NISCH: variants seen among roughly 807,000 people sequenced by gnomAD.
NISCH encodes nischarin.
NISCH carries 55 observed loss-of-function variants against 138.4 expected under a neutral mutation model. That is an observed-to-expected ratio of 0.40 (90% CI 0.32 to 0.50). The LOEUF (loss-of-function observed/expected upper bound fraction) is 0.50, where lower values mean the gene tolerates loss of function less well. Among genes scored for constraint, NISCH ranks in the 20% least tolerant of loss-of-function variants. NISCH has a pLI of 0.71. For missense variants in NISCH, 1,643 were observed against 2,005.5 expected, an observed-to-expected ratio of 0.82 and a Z score of 3.45; for synonymous variants, 860 against 861.5, an observed-to-expected ratio of 1.00 and a Z score of 0.03.
Position 52,477,633 on chromosome 3 carries a change from C to T in NISCH, c.978C>T (p.Asp326=), listed in dbSNP as rs1449587132. 6.2e-7 allele frequency: 1 copy of T among 1,613,650 alleles called. No homozygotes were observed. Among genetic ancestry groups the T allele is most frequent in the East Asian group, 2.2e-5 (1 of 44,888 alleles). ...GTCACAATGGATTGCTGGTTGTGGA[C>T]AATCTGCAGGTAGTGCCTTTGGAGA... ...DLSHNGLLVV[D]NLQHLYNLVH... The change falls in exon 9 of 21, where the codon GAC becomes GAT. Residue 326 remains aspartate, a synonymous_variant. Coordinates refer to ENST00000345716, the MANE Select transcript of NISCH (RefSeq NM_007184.4).
intron 9 of NISCH, 137 bp from the exon 10 acceptor site, chr3:52,477,960 C>A: frequency 1.1e-6 from 1 of 918,424 alleles, no homozygotes; most frequent in Non-Finnish European, 1.7e-6. Flanking sequence ...AGGGACTTCC[C>A]TTCCTAAAAT....
chr3:52,470,552 C>T (rs1049332260), intron 3 of NISCH: 2 of 402,962 alleles, frequency 5.0e-6, no homozygotes, highest in African/African-American at 4.1e-5. Context: ...TCCCAAAAGC[C>T]CTTAGAGTAA....
chr3:52,489,871 ACCT>A, intron 17 of NISCH, 193 bp downstream of exon 17: 3 of 1,194,070 alleles, frequency 2.5e-6, no homozygotes, highest in Admixed American at 2.7e-5. Context: ...CTGTGTCACC[ACCT>A]CCTGTGCCAC....
intron 4 of NISCH, chr3:52,471,552 A>G (rs1054148220): frequency 2.9e-4 from 164 of 559,596 alleles, no homozygotes; most frequent in African/African-American, 2.8e-3. Context: ...TTTGGTCTCG[A>G]CTCGGCCTCA....
At chr3:52,472,248 C>G in intron 5 of NISCH, 55 bp from the exon 6 acceptor site, 7 of 1,503,542 alleles carry the variant, frequency 4.7e-6, no homozygotes, top group Non-Finnish European at 6.5e-6. Flanking sequence ...TGCTGCAGCA[C>G]TCCCCGATGG....
rs372251478 is a variant in NISCH at position 52,487,608 on chromosome 3, C to T, written c.2116C>T (p.Arg706Cys). 45 of 1,613,916 alleles carry T rather than the reference C, an allele frequency of 2.8e-5. No individual in the cohort carries two copies. Among genetic ancestry groups the T allele is most frequent in the Middle Eastern group, 1.6e-4 (1 of 6,062 alleles). ...CGAGGACTTCCTGCTGGAGCACATC[C>T]GCATCCTCAAGGTGCTGTGGTGCTT... ...ADEDFLLEHI[R>C]ILKVLWCFLI... The change falls in exon 16 of 21, where the codon CGC becomes TGC. Residue 706 changes from arginine (R) to cysteine (C), a missense_variant. Transcript: ENST00000345716. This position sits in a 1 kb window ranked among gnomAD's most constrained non-coding sequence, Gnocchi z 9.1.
At chr3:52,457,816 A>G (rs745979578) in intron 1 of NISCH, 27 bp from the exon 2 acceptor site, 54 of 1,572,794 alleles carry the variant, frequency 3.4e-5, no homozygotes, top group Middle Eastern at 1.9e-4. Flanking sequence ...CTCCCTTGCC[A>G]CAAGGGCTGT....
In NISCH at chr3:52,491,434, G is replaced by C; in HGVS notation, c.3825G>C (p.Val1275=). 1 of 1,613,472 alleles carries C rather than the reference G, an allele frequency of 6.2e-7. No homozygotes were observed. Among genetic ancestry groups the C allele is most frequent in the South Asian group, 1.1e-5 (1 of 91,084 alleles). ...GCTTCCTCCAGCACCTCATGGTCGT[G>C]CTGTCCTCTCTGGAACGCACGCCCT... is the stretch of plus-strand genomic sequence containing the variant. ...THCFLQHLMV[V]LSSLERTPSP... Residue 1275 remains valine (V), a synonymous_variant, in exon 20 of 21, where the codon GTG becomes GTC. Coordinates refer to ENST00000345716, the MANE Select transcript of NISCH (RefSeq NM_007184.4).
chr3:52,461,786 C>T (rs1706638914), intron 3 of NISCH, among the ~76,000 whole-genome samples: 1 of 151,792 alleles, frequency 6.6e-6, no homozygotes, highest in South Asian at 2.1e-4. Flanking sequence ...TGGCGTGAAC[C>T]CGGGAGGCAG....
intron 8 of NISCH, among the ~76,000 whole-genome samples, chr3:52,476,949 C>T (rs1349827862): frequency 5.3e-5 from 8 of 152,088 alleles, no homozygotes; most frequent in African/African-American, 1.9e-4. Flanking sequence ...GCAGGAGAAT[C>T]GCTTGAACCC....
Position 52,472,206 on chromosome 3 carries a change from G to A in NISCH, c.574-97G>A, listed in dbSNP as rs147990413. 191 of 1,209,290 alleles carry A rather than the reference G, an allele frequency of 1.6e-4. 1 individual carries two copies. The African/African-American group carries it at 2.5e-3, about 16-fold the overall frequency. 74.9% of individuals were successfully genotyped at this position (1,209,290 alleles called of 1,614,324 possible). On this transcript the variant is annotated intron_variant, in intron 5 of 20. Transcript: ENST00000345716. ...GCCTGAGCCTGCTTTGTTGAAGACAGAAGTGGTCAAAGTTGTCTTCAACTT... is the reference window on the plus strand; with the variant it reads ...GCCTGAGCCTGCTTTGTTGAAGACAAAAGTGGTCAAAGTTGTCTTCAACTT...
rs1185787527 is a variant in NISCH, at chr3:52,487,390, G to A, written c.1898G>A (p.Gly633Asp). ...GCCAACCAGCGGGAGGAGGGCCAGGGTGAACAGGGCGAGGAGGAGGATGAG... is the reference window on the plus strand; with the variant it reads ...GCCAACCAGCGGGAGGAGGGCCAGGATGAACAGGGCGAGGAGGAGGATGAG... Reference protein sequence around the residue: ...EAANQREEGQGEQGEEEDEEE... With the variant: ...EAANQREEGQDEQGEEEDEEE... Residue 633 changes from glycine to aspartate, a missense_variant, in exon 16 of 21, where the codon GGT (glycine) becomes GAT (aspartate). Coordinates refer to ENST00000345716, the MANE Select transcript of NISCH (RefSeq NM_007184.4). The surrounding 1 kb of genome is among the most constrained non-coding windows in gnomAD (Gnocchi z 9.1). 1.2e-6 allele frequency: 2 copies of A among 1,614,024 alleles called. No homozygotes were observed.
chr3:52,473,792 C>T lies in NISCH; in HGVS notation c.728C>T (p.Ala243Val), dbSNP rs780956355. Residue 243 changes from alanine to valine, a missense_variant, in exon 7 of 21, where the codon GCC (alanine) becomes GTC (valine). Physicochemically the swap from Ala to Val is moderately conservative, Grantham distance 64. Coordinates refer to ENST00000345716, the MANE Select transcript of NISCH (RefSeq NM_007184.4). ...CTGGTCGCATCGAAGCCCACCTTAG[C>T]CACGCTGAGTGTCCGCTTCTCAGCA... Reference protein sequence around the residue: ...RGLVASKPTLATLSVRFSATS... With the variant: ...RGLVASKPTLVTLSVRFSATS... 6.2e-6 allele frequency: 10 copies of T among 1,610,232 alleles called. No homozygotes were observed. The highest frequency in any genetic ancestry group is 1.7e-5 in the Admixed American group (1 of 59,976).
intron 18 of NISCH, 123 bp downstream of exon 18, chr3:52,490,354 G>C: frequency 9.1e-7 from 1 of 1,102,796 alleles, no homozygotes; most frequent in Non-Finnish European, 1.3e-6. Flanking sequence ...GCTGCAGTGG[G>C]CTGAGAGTTC....
rs750274200 is a variant in NISCH, at chr3:52,485,801, C to G, written c.1677C>G (p.Asp559Glu). 2 of 1,583,468 alleles carry G rather than the reference C, an allele frequency of 1.3e-6. No individual in the cohort carries two copies. The highest frequency in any genetic ancestry group is 1.3e-5 in the African/African-American group (1 of 74,212). The change falls in exon 15 of 21, where the codon GAC becomes GAG. Residue 559 changes from aspartate to glutamate, a missense_variant. Physicochemically the swap from Asp to Glu is conservative, Grantham distance 45. Transcript: ENST00000345716. ...AGGCAGCTTCCGATGATTTAAGGGACGTGCCAGGAGCTGTTGGTGGTGCAA... is the reference window on the plus strand; with the variant it reads ...AGGCAGCTTCCGATGATTTAAGGGAGGTGCCAGGAGCTGTTGGTGGTGCAA... ...AGQAASDDLRDVPGAVGGASP... is the reference protein window; with the variant it reads ...AGQAASDDLREVPGAVGGASP...
At chr3:52,486,246 G>T (rs1406672657) in intron 15 of NISCH, among the ~76,000 whole-genome samples, 1 of 151,856 alleles carries the variant, frequency 6.6e-6, no homozygotes, top group Non-Finnish European at 1.5e-5. Flanking sequence ...CTTCTGAGTA[G>T]CCCGGACCAC....
rs139197623 is a variant in NISCH, at chr3:52,488,202, G to T, written c.2710G>T (p.Ala904Ser). 6.2e-7 allele frequency: 1 copy of T among 1,613,034 alleles called. No individual in the cohort carries two copies. Among genetic ancestry groups the T allele is most frequent in the South Asian group, 1.1e-5 (1 of 91,070 alleles). Residue 904 changes from alanine to serine, a missense_variant, in exon 16 of 21, where the codon GCC becomes TCC. Transcript: ENST00000345716. ...CCAPSEAVKS[A>S]AIPYWLLLTP... Reference sequence around the variant, plus strand: ...CGCGCCCTCTGAGGCCGTCAAGTCCGCCGCCATCCCCTACTGGCTGTTGCT... The same window carrying T: ...CGCGCCCTCTGAGGCCGTCAAGTCCTCCGCCATCCCCTACTGGCTGTTGCT...
intron 3 of NISCH, among the ~76,000 whole-genome samples, chr3:52,462,458 G>A (rs1273323805): frequency 6.6e-6 from 1 of 152,134 alleles, no homozygotes; most frequent in Non-Finnish European, 1.5e-5. Flanking sequence ...ATCTTCATTT[G>A]GGGCCTAAAG....
Position 52,473,457 on chromosome 3 carries a change from C to G in NISCH, c.670-277C>G, listed in dbSNP as rs142281710. Among the ~76,000 whole-genome samples, 1,418 of 152,338 alleles carry G rather than the reference C, an allele frequency of 9.3e-3. 14 individuals are homozygous for G. Among genetic ancestry groups the G allele is most frequent in the Middle Eastern group, 0.017 (5 of 294 alleles). On this transcript the variant is annotated intron_variant, in intron 6 of 20. Transcript: ENST00000345716. ...TCCATGACCCACACTTTATGTTCAC[C>G]TGCCAAGCCCCAGGCAGCCCTTACA...
Sources: allele counts gnomAD v4.1 joint callset (sites outside exome capture counted in the v4.1 genomes callset), GRCh38; gene constraint gnomAD v4.1.1; non-coding constraint Gnocchi (gnomAD v3.1); transcripts MANE v1.5; gene names NCBI Gene and HGNC (gene_info 2026-07-23, HGNC 2026-07-21).